RORA: variants seen among roughly 807,000 people sequenced by gnomAD.
The protein encoded by RORA is nuclear receptor ROR-alpha.
A neutral mutation model predicts 69.5 loss-of-function variants in RORA; 7 were observed. The observed-to-expected ratio is 0.10, with a 90% CI of 0.06 to 0.19. The LOEUF (loss-of-function observed/expected upper bound fraction) is 0.19. Ranked by LOEUF, RORA falls within the 10% of genes least tolerant of loss-of-function variation. The pLI is 1.00. For synonymous variants in RORA, 261 were observed against 240.8 expected, an observed-to-expected ratio of 1.08 and a Z score of -0.78; for missense variants, 457 against 663.0, an observed-to-expected ratio of 0.69 and a Z score of 3.41.
At chr15:61,037,806 T>C (rs1444757235) in intron 1 of RORA, among the ~76,000 whole-genome samples, 3 of 152,122 alleles carry the variant, frequency 2.0e-5, no homozygotes, top group Non-Finnish European at 2.9e-5. Flanking sequence ...TAATAGAAGA[T>C]GGAAGAAGGC....
intron 1 of RORA, among the ~76,000 whole-genome samples, chr15:61,155,349 T>A (rs1187622088): frequency 6.6e-6 from 1 of 152,216 alleles, no homozygotes; most frequent in African/African-American, 2.4e-5. Context: ...TAAGGTGATT[T>A]TCTATAGCTA....
At chr15:60,712,598 T>C (rs1002631073) in intron 1 of RORA, among the ~76,000 whole-genome samples, 3 of 152,212 alleles carry the variant, frequency 2.0e-5, no homozygotes, top group Admixed American at 6.5e-5. Flanking sequence ...TAGGACCCAG[T>C]GTATTGCAAG....
chr15:60,800,689 A>T (rs898992149), intron 1 of RORA, among the ~76,000 whole-genome samples: 4 of 151,686 alleles, frequency 2.6e-5, no homozygotes, highest in African/African-American at 9.7e-5. Flanking sequence ...CTATTATAGC[A>T]CCTCCTCTGT....
At chr15:60,916,726 C>G (rs1891883641) in intron 1 of RORA, among the ~76,000 whole-genome samples, 1 of 152,060 alleles carries the variant, frequency 6.6e-6, no homozygotes, top group East Asian at 1.9e-4. Context: ...TTTTTTAAAG[C>G]CCCTCTTGAC....
At chr15:61,058,837 T>C (rs1200493178) in intron 1 of RORA, among the ~76,000 whole-genome samples, 1 of 152,192 alleles carries the variant, frequency 6.6e-6, no homozygotes, top group African/African-American at 2.4e-5. Context: ...TTTCTATGTT[T>C]AAGCATCCAA....
intron 3 of RORA, among the ~76,000 whole-genome samples, chr15:60,514,968 C>G (rs897790049): frequency 6.6e-6 from 1 of 152,174 alleles, no homozygotes. Context: ...ATCCCTTATA[C>G]CTGCAAAACT....
At chr15:61,208,695 G>T (rs1213331620) in intron 1 of RORA, among the ~76,000 whole-genome samples, 3 of 152,148 alleles carry the variant, frequency 2.0e-5, no homozygotes, top group Non-Finnish European at 4.4e-5. Flanking sequence ...CTAAGGAGAA[G>T]GTGAGGTCTC....
At chr15:60,729,264 C>T (rs2071400209) in intron 1 of RORA, among the ~76,000 whole-genome samples, 1 of 152,176 alleles carries the variant, frequency 6.6e-6, no homozygotes, top group South Asian at 2.1e-4. Flanking sequence ...ATGGATGCCA[C>T]TAAAGAGGAC....
chr15:60,881,474 A>G (rs1017924838), intron 1 of RORA, among the ~76,000 whole-genome samples: 1 of 152,252 alleles, frequency 6.6e-6, no homozygotes, highest in Non-Finnish European at 1.5e-5. Flanking sequence ...GACTTAGAAA[A>G]TCAGGATACG....
intron 2 of RORA, among the ~76,000 whole-genome samples, chr15:60,550,903 C>A (rs1269603198): frequency 6.6e-6 from 1 of 152,122 alleles, no homozygotes; most frequent in Non-Finnish European, 1.5e-5. Context: ...TTTTGCATAA[C>A]TGCTGGTTTT....
At chr15:61,050,591 A>T (rs764180894) in intron 1 of RORA, among the ~76,000 whole-genome samples, 1 of 152,174 alleles carries the variant, frequency 6.6e-6, no homozygotes, top group Non-Finnish European at 1.5e-5. Context: ...GATGTTCTAA[A>T]CACTAAGAGG....
rs75565082 is a variant in RORA at position 60,615,273 on chromosome 15, C to G, written c.196+63384G>C. Among the ~76,000 whole-genome samples, 89 of 152,304 alleles carry G rather than the reference C, an allele frequency of 5.8e-4. 1 individual carries two copies. The East Asian group carries it at 0.015, about 26-fold the overall frequency. On this transcript the variant is annotated intron_variant, in intron 2 of 10. Transcript: ENST00000335670. ...ATATAGATAAAGGGGCACTGGGTGGCTTCTCTTCTCCACGGAGCCTTGAGA... is the reference window on the plus strand; with the variant it reads ...ATATAGATAAAGGGGCACTGGGTGGGTTCTCTTCTCCACGGAGCCTTGAGA...
chr15:61,018,593 C>T (rs1320920869), intron 1 of RORA, among the ~76,000 whole-genome samples: 1 of 152,002 alleles, frequency 6.6e-6, no homozygotes, highest in Non-Finnish European at 1.5e-5. Context: ...TATACATCTG[C>T]ATGCATGTAT....
At chr15:61,029,191 G>A (rs1172239292) in intron 1 of RORA, among the ~76,000 whole-genome samples, 2 of 152,012 alleles carry the variant, frequency 1.3e-5, no homozygotes, top group Non-Finnish European at 2.9e-5. Context: ...GATGGTCTGT[G>A]AATTATATCC....
At chr15:60,986,944 GT>G (rs1178367172) in intron 1 of RORA, among the ~76,000 whole-genome samples, 1 of 152,072 alleles carries the variant, frequency 6.6e-6, no homozygotes. Flanking sequence ...AAGCACTTTG[GT>G]TTTTTCATAT....
At chr15:60,592,719 G>T in intron 2 of RORA, 2 of 1,044,514 alleles carry the variant, frequency 1.9e-6, no homozygotes, top group Non-Finnish European at 2.3e-6. Flanking sequence ...TAGCAGCGGC[G>T]GCTCTGCTGG....
At chr15:60,909,882 T>A (rs560487806) in intron 1 of RORA, among the ~76,000 whole-genome samples, 1 of 152,194 alleles carries the variant, frequency 6.6e-6, no homozygotes, top group Non-Finnish European at 1.5e-5. Context: ...CCTTCTTTAT[T>A]TCAGTCTGGG....
intron 2 of RORA, among the ~76,000 whole-genome samples, chr15:60,563,860 G>A (rs1463465370): frequency 6.6e-6 from 1 of 151,998 alleles, no homozygotes; most frequent in Non-Finnish European, 1.5e-5. Context: ...GGTAGCGATG[G>A]CCTACATATT....
intron 3 of RORA, among the ~76,000 whole-genome samples, chr15:60,524,834 A>G (rs1453400025): frequency 6.6e-6 from 1 of 152,236 alleles, no homozygotes; most frequent in African/African-American, 2.4e-5. Flanking sequence ...TGCAATCCGC[A>G]ACAACCTACA....
Sources: allele counts gnomAD v4.1 joint callset (sites outside exome capture counted in the v4.1 genomes callset), GRCh38; gene constraint gnomAD v4.1.1; transcripts MANE v1.5; gene names NCBI Gene and HGNC (gene_info 2026-07-23, HGNC 2026-07-21).